Variants in HEATR4 observed in about 807,000 individuals in gnomAD.
HEATR4 encodes the protein HEAT repeat-containing protein 4.
HEATR4 carries 95 observed loss-of-function variants against 108.8 expected under a neutral mutation model. The ratio of observed to expected loss-of-function variants is 0.87; its 90% CI spans 0.74 to 1.04. The LOEUF (loss-of-function observed/expected upper bound fraction) is 1.04, where lower values mean the gene tolerates loss of function less well. Among genes scored for constraint, HEATR4 ranks in the 50% least tolerant of loss-of-function variants. HEATR4 has a pLI of 0.00. For synonymous variants in HEATR4, 443 were observed against 459.4 expected (o/e 0.96, Z 0.46); for missense variants, 1,152 against 1,253.8 (o/e 0.92, Z 1.23).
intron 9 of HEATR4, among the ~76,000 whole-genome samples, chr14:73,506,804 G>GTTTTTTTTTTGTTTTTTT (rs1886866979): frequency 6.2e-5 from 5 of 80,524 alleles, no homozygotes; most frequent in African/African-American, 9.8e-5. Flanking sequence ...GACTTTAACT[G>GTTTTTTTTTTGTTTTTTT]TTTTTTTTTT....
At chr14:73,567,824 G>A in the HEATR4 span, 1 of 152,084 alleles carries the variant, frequency 6.6e-6, no homozygotes, top group Non-Finnish European at 1.5e-5. Flanking sequence ...GCCTTTATGA[G>A]CTGTAACACT....
At chr14:73,569,831 G>A in the HEATR4 span, 2 of 1,598,866 alleles carry the variant, frequency 1.3e-6, no homozygotes, top group African/African-American at 1.3e-5. Context: ...CCGGGGTGCG[G>A]CGCGAGCCGG....
chr14:73,556,936 A>G lies in HEATR4; in HGVS notation c.-152+1815T>C, dbSNP rs183337340. On this transcript the variant is annotated intron_variant, in intron 1 of 17. Coordinates refer to ENST00000553558, the MANE Select transcript of HEATR4 (RefSeq NM_001220484.1). Reference sequence around the variant, plus strand: ...TTAAAAGAGAGGGTGCTTAGAGAAGAAAGAAAGGACTTATTAATGGAGTTT... The same window carrying G: ...TTAAAAGAGAGGGTGCTTAGAGAAGGAAGAAAGGACTTATTAATGGAGTTT... Among the ~76,000 whole-genome samples the G allele has an allele frequency of 5.8e-3, 658 of 113,170 alleles. 208 individuals are homozygous for G. Among genetic ancestry groups the G allele is most frequent in the Non-Finnish European group, 6.6e-3 (342 of 51,820 alleles). The allele number at this position is 113,170 out of a possible 152,430, so 74.2% of individuals were successfully genotyped here.
chr14:73,622,681 G>A, the HEATR4 span, among the ~76,000 whole-genome samples: 8 of 152,248 alleles, frequency 5.3e-5, no homozygotes, highest in Admixed American at 2.0e-4. Flanking sequence ...TTACAGCCAT[G>A]AGCCACCGCG....
chr14:73,565,836 G>A, the HEATR4 span, among the ~76,000 whole-genome samples: 7 of 152,014 alleles, frequency 4.6e-5, no homozygotes, highest in Admixed American at 6.6e-5. Context: ...TGCAAAGAAC[G>A]AAAGAACAAA....
the HEATR4 span, chr14:73,619,604 C>G: frequency 6.2e-7 from 1 of 1,614,192 alleles, no homozygotes. Flanking sequence ...AGGCTACAAG[C>G]TCATGGGAAA....
the HEATR4 span, among the ~76,000 whole-genome samples, chr14:73,615,388 T>TAAAAAA: frequency 3.2e-4 from 20 of 63,316 alleles, no homozygotes; most frequent in South Asian, 1.9e-3. Flanking sequence ...CTCTGTCTGA[T>TAAAAAA]AAAAAAAAAA....
chr14:73,609,920 T>C, the HEATR4 span, among the ~76,000 whole-genome samples: 4 of 151,960 alleles, frequency 2.6e-5, no homozygotes, highest in East Asian at 7.8e-4. Flanking sequence ...ATTACAGGCA[T>C]GAGCCACCGC....
chr14:73,522,488 C>T lies in HEATR4; in HGVS notation c.665G>A (p.Arg222His), dbSNP rs759050772. 8 of 1,614,214 alleles carry T rather than the reference C, an allele frequency of 5.0e-6. No individual in the cohort carries two copies. Among genetic ancestry groups the T allele is most frequent in the African/African-American group, 2.7e-5 (2 of 75,054 alleles). ...ERTARWIQSK[R>H]PRRPGASPNK... ...GGGGGATGCCCCAGGCCTTCGAGGA[C>T]GCTTGCTCTGGATCCATCGGGCTGT... The change falls in exon 3 of 18, where the codon CGT becomes CAT. Residue 222 changes from arginine (R) to histidine (H), a missense_variant. Transcript: ENST00000553558.
At position 73,523,075 on chromosome 14, in the gene HEATR4, GC is replaced by G; in HGVS notation, c.77del (p.Gly26AlafsTer2). Reference sequence around the variant, plus strand: ...TCAATTTTGAGTAGTTTAAAATCATGCCCCATCCCAGTCGTGGGGGCAGTGA... The same window carrying G: ...TCAATTTTGAGTAGTTTAAAATCATGCCCATCCCAGTCGTGGGGGCAGTGA... Reference protein sequence around the residue: ...YQSLPPRLGWGMILNYSKLKG... With the variant: ...YQSLPPRLGWXMILNYSKLKG... On this transcript the variant is annotated frameshift_variant, in exon 3 of 18. Coordinates refer to ENST00000553558, the MANE Select transcript of HEATR4 (RefSeq NM_001220484.1). LOFTEE classifies it high-confidence loss of function. 6.2e-7 allele frequency: 1 copy of G among 1,613,276 alleles called. No individual in the cohort carries two copies. Among genetic ancestry groups the G allele is most frequent in the Non-Finnish European group, 8.5e-7 (1 of 1,179,980 alleles).
At chr14:73,592,548 C>T in the HEATR4 span, 35,811 of 1,144,614 alleles carry the variant, frequency 0.031, 1,516 homozygotes, top group African/African-American at 0.19. Context: ...TCAGTGGCCA[C>T]TCTACCAAAA....
At chr14:73,575,586 G>T in the HEATR4 span, 4 of 1,559,212 alleles carry the variant, frequency 2.6e-6, no homozygotes, top group East Asian at 9.0e-5. Flanking sequence ...GTGTGTGTAT[G>T]TGTATTCATT....
chr14:73,524,310 A>AAAAATATATATAT, intron 2 of HEATR4, among the ~76,000 whole-genome samples: 40 of 54,762 alleles, frequency 7.3e-4, no homozygotes, highest in East Asian at 1.4e-3. Context: ...AAAAAAAAAA[A>AAAAATATATATAT]ATATATATAT....
the HEATR4 span, chr14:73,592,091 G>A: frequency 6.7e-7 from 1 of 1,489,526 alleles, no homozygotes; most frequent in Non-Finnish European, 8.9e-7. Flanking sequence ...AGAAGGGCGC[G>A]CTCTTCCGGG....
At chr14:73,570,370 C>G in the HEATR4 span, among the ~76,000 whole-genome samples, 26 of 151,782 alleles carry the variant, frequency 1.7e-4, no homozygotes, top group Admixed American at 1.7e-3. Flanking sequence ...AAGATTGAGG[C>G]CATCCTGACT....
chr14:73,580,245 C>T, the HEATR4 span, among the ~76,000 whole-genome samples: 1 of 152,074 alleles, frequency 6.6e-6, no homozygotes, highest in Non-Finnish European at 1.5e-5. Flanking sequence ...CCTCCCACTT[C>T]AGCCTCCTGA....
chr14:73,511,869 T>TAAGC (rs1831365092), intron 7 of HEATR4, 137 bp downstream of exon 7: 1 of 932,560 alleles, frequency 1.1e-6, no homozygotes, highest in Non-Finnish European at 1.6e-6. Flanking sequence ...TAAGCATGTA[T>TAAGC]ATATAGGCCA....
At chr14:73,507,373 C>T (rs1437915021) in intron 9 of HEATR4, among the ~76,000 whole-genome samples, 1 of 152,172 alleles carries the variant, frequency 6.6e-6, no homozygotes, top group East Asian at 1.9e-4. Flanking sequence ...CATGCTTATT[C>T]TACGTTTACT....
chr14:73,574,510 G>C, the HEATR4 span: 9 of 348,734 alleles, frequency 2.6e-5, no homozygotes, highest in Non-Finnish European at 4.9e-5. Flanking sequence ...TGATCCACCC[G>C]CCTCAGCCTC....
Sources: allele counts gnomAD v4.1 joint callset (sites outside exome capture counted in the v4.1 genomes callset), GRCh38; gene constraint gnomAD v4.1.1; transcripts MANE v1.5; gene names NCBI Gene and HGNC (gene_info 2026-07-23, HGNC 2026-07-21).